The following DST variants were observed in gnomAD, a reference collection of about 807,000 sequenced individuals.
DST encodes bullous pemphigoid antigen.
DST carries 253 observed loss-of-function variants against 875.2 expected under a neutral mutation model. That is an observed-to-expected ratio of 0.29 (90% CI 0.26 to 0.32). The LOEUF is 0.32. Ranked by LOEUF, DST falls within the 10% of genes least tolerant of loss-of-function variation. The pLI is 1.00. For synonymous variants in DST, 3,124 were observed against 3,197.1 expected, an observed-to-expected ratio of 0.98 and a Z score of 0.77; for missense variants, 8,287 against 9,111.6, an observed-to-expected ratio of 0.91 and a Z score of 3.68.
chr6:56,709,527 G>C (rs1316256590), intron 5 of DST, among the ~76,000 whole-genome samples: 2 of 152,108 alleles, frequency 1.3e-5, no homozygotes. Flanking sequence ...TTAAAAGTCT[G>C]ACATTATAGT....
At chr6:56,628,707 G>A (rs1366276002) in intron 32 of DST, among the ~76,000 whole-genome samples, 1 of 152,110 alleles carries the variant, frequency 6.6e-6, no homozygotes, top group Non-Finnish European at 1.5e-5. Context: ...TATCATAAAA[G>A]CATTTTATTT....
rs2095244497 is a variant in DST at position 56,477,393 on chromosome 6, G to C, written c.21627C>G (p.Ile7209Met). Residue 7209 changes from isoleucine to methionine, a missense_variant, in exon 91 of 104, where the codon ATC becomes ATG. By Grantham distance (10) the Ile-to-Met change is conservative. Coordinates refer to ENST00000680361, the MANE Select transcript of DST (RefSeq NM_001374736.1). Reference sequence around the variant, plus strand: ...TTGTTATCCAGTGCTTAATGGTAGTGATGGAGTCGGGGTGGCAGATAGCCA... The same window carrying C: ...TTGTTATCCAGTGCTTAATGGTAGTCATGGAGTCGGGGTGGCAGATAGCCA... ...TVLAICHPDS[I>M]TTIKHWITII... 7 of 1,613,994 alleles carry C rather than the reference G, an allele frequency of 4.3e-6. No homozygotes were observed. Among genetic ancestry groups the C allele is most frequent in the Non-Finnish European group, 5.9e-6 (7 of 1,179,882 alleles).
rs955157035 is a variant in DST at position 56,509,945 on chromosome 6, A to C, written c.18781-72T>G. 185 of 1,184,320 alleles carry C rather than the reference A, an allele frequency of 1.6e-4. 1 individual carries two copies. The highest frequency in any genetic ancestry group is 2.0e-4 in the Non-Finnish European group (168 of 852,648). The allele number at this position is 1,184,320 out of a possible 1,614,324, so 73.4% of individuals were successfully genotyped here. ...ACCAAGTGTGAAATTTAAATGAAAA[A>C]ACATTTTTTACAATTTAATGTCAGA... On this transcript the variant is annotated intron_variant, in intron 73 of 103. Transcript: ENST00000680361.
chr6:56,645,649 T>C (rs1300452554), intron 15 of DST, among the ~76,000 whole-genome samples: 1 of 152,194 alleles, frequency 6.6e-6, no homozygotes, highest in East Asian at 1.9e-4. Flanking sequence ...AGACTTCACA[T>C]ACCAATCCAG....
chr6:56,880,926 A>C (rs1288309098), intron 3 of DST, among the ~76,000 whole-genome samples: 1 of 146,494 alleles, frequency 6.8e-6, no homozygotes, highest in African/African-American at 2.5e-5. Flanking sequence ...CGGCTCACTG[A>C]AAGCTCCGCC....
At chr6:56,471,352 TCTCTAGGTAGTA>T (rs1208112759) in intron 94 of DST, 84 bp from the exon 95 acceptor site, 4 of 1,035,064 alleles carry the variant, frequency 3.9e-6, no homozygotes, top group Non-Finnish European at 5.5e-6. Context: ...TTGAAATGAT[TCTCTAGGTAGTA>T]CACATATCCT....
intron 7 of DST, among the ~76,000 whole-genome samples, chr6:56,703,381 A>G (rs1588903855): frequency 6.6e-6 from 1 of 152,224 alleles, no homozygotes; most frequent in South Asian, 2.1e-4. Context: ...CTAAAATGCC[A>G]TCATGTACTT....
intron 4 of DST, among the ~76,000 whole-genome samples, chr6:56,753,977 C>T (rs1049592907): frequency 1.3e-5 from 2 of 152,114 alleles, no homozygotes; most frequent in South Asian, 4.1e-4. Context: ...CAAAATGCAG[C>T]CTAGAACAAA....
Position 56,764,394 on chromosome 6 carries a change from A to C in DST, c.626-29105T>G, listed in dbSNP as rs183264259. Reference sequence around the variant, plus strand: ...CTTTGGTCACTTTCAATATTCTGCAATTTCTGGAGCCCCACGACATGCTGC... The same window carrying C: ...CTTTGGTCACTTTCAATATTCTGCACTTTCTGGAGCCCCACGACATGCTGC... On this transcript the variant is annotated intron_variant, in intron 4 of 103. Transcript: ENST00000680361. Among the ~76,000 whole-genome samples, 4 of 152,138 alleles carry C rather than the reference A, an allele frequency of 2.6e-5. No homozygotes were observed. The East Asian group carries it at 7.7e-4, about 29-fold the overall frequency.
chr6:56,463,806 GA>G (rs1463688041), intron 100 of DST, 42 bp from the exon 101 acceptor site: 1 of 1,600,872 alleles, frequency 6.2e-7, no homozygotes, highest in South Asian at 1.1e-5. Flanking sequence ...AGAAAAGACG[GA>G]AAAGAAGAGG....
intron 82 of DST, among the ~76,000 whole-genome samples, chr6:56,494,803 A>G (rs887474977): frequency 6.6e-6 from 1 of 152,092 alleles, no homozygotes; most frequent in African/African-American, 2.4e-5. Flanking sequence ...AATATTGCTT[A>G]AACAAATTCA....
intron 36 of DST, chr6:56,616,473 T>C (rs886061643): frequency 1.9e-6 from 3 of 1,613,858 alleles, no homozygotes; most frequent in Non-Finnish European, 2.5e-6. Context: ...TTCTTGACAT[T>C]GAGATTGGAA....
intron 4 of DST, among the ~76,000 whole-genome samples, chr6:56,751,293 A>C (rs897311352): frequency 9.2e-5 from 14 of 152,224 alleles, no homozygotes; most frequent in Non-Finnish European, 1.3e-4. Flanking sequence ...AATAGACGTC[A>C]CCAATAGGGA....
At position 56,572,180 on chromosome 6, in the gene DST, T is replaced by C; in HGVS notation, c.13641A>G (p.Pro4547=). ...LLKEISSHGL[P]SDKALVLEKT... Reference sequence around the variant, plus strand: ...TTTCAAGGACCAAAGCCTTATCACTTGGTAAGCCATGGCTGGATATCTCCT... The same window carrying C: ...TTTCAAGGACCAAAGCCTTATCACTCGGTAAGCCATGGCTGGATATCTCCT... Residue 4547 remains proline, a synonymous_variant, in exon 53 of 104, where the codon CCA becomes CCG. Coordinates refer to ENST00000680361, the MANE Select transcript of DST (RefSeq NM_001374736.1). The C allele has an allele frequency of 6.4e-7, 1 of 1,559,238 alleles. No homozygotes were observed. Among genetic ancestry groups the C allele is most frequent in the Non-Finnish European group, 8.7e-7 (1 of 1,151,504 alleles).
intron 4 of DST, among the ~76,000 whole-genome samples, chr6:56,764,191 G>A (rs2099626547): frequency 1.3e-5 from 2 of 151,514 alleles, no homozygotes. Flanking sequence ...CCTAGACAAG[G>A]GCCTCTGTGA....
In DST at chr6:56,917,048, C is replaced by T. The variant is rs556254359; in HGVS notation, c.217-16427G>A. ...GCAGAGGCTCCTAACACACACTGCT[C>T]GGACCAGGTATTTCTCAGAAACAGC... On this transcript the variant is annotated intron_variant, in intron 2 of 103. Coordinates refer to ENST00000680361, the MANE Select transcript of DST (RefSeq NM_001374736.1). Among the ~76,000 whole-genome samples the T allele has an allele frequency of 2.0e-5, 3 of 146,910 alleles. No homozygotes were observed. The East Asian group carries it at 6.0e-4, about 29-fold the overall frequency.
chr6:56,831,825 T>C (rs1314985910), intron 4 of DST, among the ~76,000 whole-genome samples: 1 of 152,048 alleles, frequency 6.6e-6, no homozygotes, highest in Non-Finnish European at 1.5e-5. Flanking sequence ...TATGAGGGAA[T>C]AGAGAATATA....
In DST at chr6:56,714,954, T is replaced by C. The variant is rs34429594; in HGVS notation, c.688-10585A>G. On this transcript the variant is annotated intron_variant, in intron 5 of 103. Transcript: ENST00000680361. This position sits in a 1 kb window ranked among gnomAD's most constrained non-coding sequence, Gnocchi z 4.5. ...TTTACTTATAGTTTTATGTAGACAA[T>C]ATACATAAATGTATTAATAATTTCC... Among the ~76,000 whole-genome samples, 35,930 of 152,124 alleles carry C rather than the reference T, an allele frequency of 0.24. 5,498 individuals carry two copies. The highest frequency in any genetic ancestry group is 0.43 in the African/African-American group (17,801 of 41,464).
chr6:56,692,725 T>G (rs768708087), intron 9 of DST: 69 of 1,289,544 alleles, frequency 5.4e-5, no homozygotes, highest in Non-Finnish European at 6.7e-5. Flanking sequence ...TGAAATCCTT[T>G]CATCCAGTTC....
Sources: allele counts gnomAD v4.1 joint callset (sites outside exome capture counted in the v4.1 genomes callset), GRCh38; gene constraint gnomAD v4.1.1; non-coding constraint Gnocchi (gnomAD v3.1); transcripts MANE v1.5; gene names NCBI Gene and HGNC (gene_info 2026-07-23, HGNC 2026-07-21).